SCHIP1: variants seen among roughly 807,000 people sequenced by gnomAD.
The protein encoded by SCHIP1 is schwannomin interacting protein 1.
In SCHIP1, 8 loss-of-function variants were observed where a neutral mutation model predicts 29.7. The observed-to-expected ratio is 0.27, with a 90% confidence interval of 0.16 to 0.49. The LOEUF is 0.49. Among genes scored for constraint, SCHIP1 ranks in the 20% least tolerant of loss-of-function variants. SCHIP1 has a pLI of 0.99. For synonymous variants in SCHIP1, 76 were observed against 94.9 expected (o/e 0.80, Z 1.16); for missense variants, 193 against 294.6 (o/e 0.66, Z 2.52).
chr3:159,837,222 G>A (rs955518302), upstream of SCHIP1, among the ~76,000 whole-genome samples: 1 of 151,974 alleles, frequency 6.6e-6, no homozygotes, highest in African/African-American at 2.4e-5. Flanking sequence ...TTTAAGCTTT[G>A]CACAGCTTGG....
the SCHIP1 span, among the ~76,000 whole-genome samples, chr3:159,805,307 A>C: frequency 6.6e-6 from 1 of 152,142 alleles, no homozygotes; most frequent in Admixed American, 6.5e-5. Context: ...TCCTAGCCTG[A>C]CTCACAACTC....
chr3:159,301,096 T>C, the SCHIP1 span, among the ~76,000 whole-genome samples: 1 of 152,174 alleles, frequency 6.6e-6, no homozygotes, highest in Non-Finnish European at 1.5e-5. Flanking sequence ...TATATGTACA[T>C]ATATATAGCA....
chr3:159,694,556 GAAAGAAAGA>G, the SCHIP1 span, among the ~76,000 whole-genome samples: 1 of 104,350 alleles, frequency 9.6e-6, no homozygotes, highest in African/African-American at 3.6e-5. Flanking sequence ...AAGAAAGAAA[GAAAGAAAGA>G]AAGAAAGAAA....
chr3:159,751,974 T>C, the SCHIP1 span, among the ~76,000 whole-genome samples: 2 of 152,188 alleles, frequency 1.3e-5, no homozygotes, highest in African/African-American at 4.8e-5. Context: ...CTCAGGGCTA[T>C]TCTCGTGACA....
the SCHIP1 span, among the ~76,000 whole-genome samples, chr3:159,653,538 G>A: frequency 7.0e-6 from 1 of 142,180 alleles, no homozygotes; most frequent in South Asian, 2.3e-4. Flanking sequence ...GTTGAACAAT[G>A]AGAACACATG....
At position 159,864,271 on chromosome 3, in the gene SCHIP1, A is replaced by G. The variant is rs144488319; in HGVS notation, c.31-1892A>G. 3.1e-3 allele frequency among the ~76,000 whole-genome samples: 468 copies of G among 152,236 alleles called. 1 individual carries two copies. Among genetic ancestry groups the G allele is most frequent in the African/African-American group, 0.011 (447 of 41,526 alleles). On this transcript the variant is annotated intron_variant, in intron 1 of 6. Transcript: ENST00000445224. ...TTCGGAAAGGTGGTTTGCCCTAATTAAGGTTCCAAGCAGTACAGTTGCAAG... is the reference window on the plus strand; with the variant it reads ...TTCGGAAAGGTGGTTTGCCCTAATTGAGGTTCCAAGCAGTACAGTTGCAAG...
chr3:159,545,684 TATATA>T, the SCHIP1 span, among the ~76,000 whole-genome samples: 1 of 147,866 alleles, frequency 6.8e-6, no homozygotes, highest in Non-Finnish European at 1.5e-5. Flanking sequence ...TATATAGTAT[TATATA>T]ATAAAATTGT....
chr3:159,677,135 C>A, the SCHIP1 span, among the ~76,000 whole-genome samples: 3 of 152,124 alleles, frequency 2.0e-5, no homozygotes, highest in African/African-American at 7.2e-5. Flanking sequence ...CACCTGGAAC[C>A]CAAGCCTTCC....
the SCHIP1 span, among the ~76,000 whole-genome samples, chr3:159,489,570 G>A: frequency 1.2e-4 from 19 of 152,198 alleles, no homozygotes; most frequent in East Asian, 1.9e-3. Flanking sequence ...ACCAGCATTC[G>A]TGTCTAGTAT....
At chr3:159,699,100 T>A in the SCHIP1 span, among the ~76,000 whole-genome samples, 2 of 152,252 alleles carry the variant, frequency 1.3e-5, no homozygotes, top group African/African-American at 4.8e-5. Flanking sequence ...TATGTCTCTG[T>A]GCCCAGTGGA....
At chr3:159,783,661 T>A in the SCHIP1 span, among the ~76,000 whole-genome samples, 1 of 152,154 alleles carries the variant, frequency 6.6e-6, no homozygotes, top group Non-Finnish European at 1.5e-5. Context: ...GAATGGAGCC[T>A]TTTAGGGAAG....
the SCHIP1 span, among the ~76,000 whole-genome samples, chr3:159,674,960 C>A: frequency 9.9e-5 from 15 of 152,196 alleles, no homozygotes; most frequent in Admixed American, 6.5e-4. Context: ...GCACCAGGGA[C>A]AAGGCTGCCA....
the SCHIP1 span, among the ~76,000 whole-genome samples, chr3:159,434,626 C>A: frequency 1.6e-3 from 247 of 152,222 alleles, no homozygotes; most frequent in African/African-American, 5.5e-3. Flanking sequence ...TGCCTGTCTC[C>A]TTTTAATAGG....
the SCHIP1 span, among the ~76,000 whole-genome samples, chr3:159,521,067 T>C: frequency 6.6e-6 from 1 of 152,200 alleles, no homozygotes; most frequent in Non-Finnish European, 1.5e-5. Flanking sequence ...TATTGCCAAC[T>C]TGCTTTCTGT....
At chr3:159,447,350 A>T in the SCHIP1 span, among the ~76,000 whole-genome samples, 1 of 152,222 alleles carries the variant, frequency 6.6e-6, no homozygotes, top group Non-Finnish European at 1.5e-5. Flanking sequence ...TCATGATCCA[A>T]AAGGCCTTCA....
At chr3:159,857,647 A>G (rs1469877298) in intron 1 of SCHIP1, among the ~76,000 whole-genome samples, 1 of 152,060 alleles carries the variant, frequency 6.6e-6, no homozygotes, top group African/African-American at 2.4e-5. Context: ...GTATTTATAA[A>G]TGGACCTGTT....
At chr3:159,830,158 T>A in the SCHIP1 span, among the ~76,000 whole-genome samples, 1 of 152,230 alleles carries the variant, frequency 6.6e-6, no homozygotes, top group Non-Finnish European at 1.5e-5. Context: ...TTATTCCAGA[T>A]GTAGCTTTAC....
At chr3:159,311,647 C>T in the SCHIP1 span, among the ~76,000 whole-genome samples, 3 of 152,032 alleles carry the variant, frequency 2.0e-5, no homozygotes, top group Admixed American at 6.6e-5. Flanking sequence ...ATGAGCTTCT[C>T]ATTTAATCTT....
intron 5 of SCHIP1, among the ~76,000 whole-genome samples, 200 bp from the exon 7 acceptor site, chr3:159,891,897 C>A (rs966001347): frequency 1.3e-5 from 2 of 152,186 alleles, no homozygotes; most frequent in South Asian, 4.1e-4. Flanking sequence ...GGAAATAGTT[C>A]GTACTTTACT....
Sources: allele counts gnomAD v4.1 joint callset (sites outside exome capture counted in the v4.1 genomes callset), GRCh38; gene constraint gnomAD v4.1.1; transcripts MANE v1.5; gene names NCBI Gene and HGNC (gene_info 2026-07-23, HGNC 2026-07-21).